The following CSMD1 variants were observed in gnomAD, a reference collection of about 807,000 sequenced individuals.
CSMD1 encodes the protein CUB and Sushi multiple domains 1, also known as CUB and sushi domain-containing protein 1.
Under a neutral mutation model 417.5 loss-of-function variants are expected in CSMD1, and 213 were observed. The observed-to-expected ratio is 0.51, with a 90% CI of 0.46 to 0.57. The LOEUF (loss-of-function observed/expected upper bound fraction) is 0.57. Among genes scored for constraint, CSMD1 ranks in the 20% least tolerant of loss-of-function variants. The pLI, the probability that CSMD1 is intolerant of heterozygous loss-of-function variation, is 0.00. For synonymous variants in CSMD1, 2,862 were observed against 1,736.8 expected (o/e 1.65, Z -16.11); for missense variants, 6,923 against 4,529.7 (o/e 1.53, Z -15.17).
intron 3 of CSMD1, among the ~76,000 whole-genome samples, chr8:4,280,098 G>A (rs926352035): frequency 1.3e-5 from 2 of 152,214 alleles, no homozygotes; most frequent in African/African-American, 4.8e-5. Flanking sequence ...ACTCTGTTTT[G>A]TATGCTCTCT....
chr8:4,525,053 C>T lies in CSMD1; in HGVS notation c.303-104988G>A, dbSNP rs534316998. Among the ~76,000 whole-genome samples, 6 of 152,140 alleles carry T rather than the reference C, an allele frequency of 3.9e-5. No individual in the cohort carries two copies. In the South Asian group the frequency reaches 1.0e-3, roughly 26 times the overall value. On this transcript the variant is annotated intron_variant, in intron 2 of 69. Coordinates refer to ENST00000635120, the MANE Select transcript of CSMD1 (RefSeq NM_033225.6). ...CAAGACATTCAATATTTTCTGTTAACGATGTCAATTAAACTGCAAGTCAAA... is the reference window on the plus strand; with the variant it reads ...CAAGACATTCAATATTTTCTGTTAATGATGTCAATTAAACTGCAAGTCAAA...
At chr8:3,698,021 GT>G (rs1800651004) in intron 7 of CSMD1, among the ~76,000 whole-genome samples, 1 of 151,496 alleles carries the variant, frequency 6.6e-6, no homozygotes, top group South Asian at 2.1e-4. Context: ...GCTATACATT[GT>G]TTTATGTATT....
At chr8:3,962,200 G>A (rs1239394071) in intron 5 of CSMD1, among the ~76,000 whole-genome samples, 2 of 152,140 alleles carry the variant, frequency 1.3e-5, no homozygotes, top group Non-Finnish European at 2.9e-5. Context: ...CCACATTCCA[G>A]AATGGGATTG....
In CSMD1 at chr8:4,363,180, A is replaced by T. The variant is rs1270117451; in HGVS notation, c.415+56773T>A. Among the ~76,000 whole-genome samples, 4 of 152,338 alleles carry T rather than the reference A, an allele frequency of 2.6e-5. No homozygotes were observed. The East Asian group carries it at 7.7e-4, about 29-fold the overall frequency. On this transcript the variant is annotated intron_variant, in intron 3 of 69. Transcript: ENST00000635120. The stretch of plus-strand genomic sequence containing the variant: ...CAAACATACCTAAACAGGCTTAAAC[A>T]GGAAATGCCACCATTTTGTATTTGG...
chr8:4,369,967 CG>C (rs1284935355), intron 3 of CSMD1, among the ~76,000 whole-genome samples: 1 of 151,978 alleles, frequency 6.6e-6, no homozygotes, highest in African/African-American at 2.4e-5. Context: ...AATACTGACA[CG>C]TGAGAATTGT....
chr8:3,330,770 G>C (rs1240288443), intron 23 of CSMD1, among the ~76,000 whole-genome samples: 1 of 152,110 alleles, frequency 6.6e-6, no homozygotes, highest in Non-Finnish European at 1.5e-5. Context: ...AATAAACTAA[G>C]ATTAAAAAGC....
chr8:3,342,459 C>G (rs1286159865), intron 23 of CSMD1, among the ~76,000 whole-genome samples: 2 of 152,140 alleles, frequency 1.3e-5, no homozygotes, highest in African/African-American at 4.8e-5. Flanking sequence ...AAGGATTTGA[C>G]AATTTTATAT....
At chr8:4,772,713 T>C (rs1044351338) in intron 1 of CSMD1, among the ~76,000 whole-genome samples, 2 of 152,178 alleles carry the variant, frequency 1.3e-5, no homozygotes, top group African/African-American at 2.4e-5. Context: ...GAGTTAAGTT[T>C]GAGGCTTGAA....
intron 7 of CSMD1, chr8:3,704,626 T>C (rs1052081100): frequency 6.6e-6 from 1 of 152,258 alleles, no homozygotes; most frequent in African/African-American, 2.4e-5. Context: ...AAAAGCTTTC[T>C]TCTCTCGCTT....
chr8:4,658,915 T>C (rs1046377460), intron 1 of CSMD1, among the ~76,000 whole-genome samples: 1 of 152,126 alleles, frequency 6.6e-6, no homozygotes, highest in African/African-American at 2.4e-5. Flanking sequence ...TGAAAATACG[T>C]TGATATTAAT....
intron 2 of CSMD1, among the ~76,000 whole-genome samples, chr8:4,604,315 T>C (rs2130773008): frequency 6.6e-6 from 1 of 151,422 alleles, no homozygotes; most frequent in East Asian, 1.9e-4. Context: ...GGAATATGCA[T>C]TAAATGGTTA....
chr8:4,858,633 A>C (rs924440793), intron 1 of CSMD1, among the ~76,000 whole-genome samples: 1 of 152,094 alleles, frequency 6.6e-6, no homozygotes, highest in African/African-American at 2.4e-5. Flanking sequence ...AGACAAACAG[A>C]GAGCCAAATC....
intron 5 of CSMD1, among the ~76,000 whole-genome samples, chr8:3,833,711 A>G (rs1802500651): frequency 6.6e-6 from 1 of 152,124 alleles, no homozygotes; most frequent in Non-Finnish European, 1.5e-5. Context: ...CTGGTTACAT[A>G]TATATAAGGT....
chr8:2,972,897 A>C (rs567119488), intron 57 of CSMD1, among the ~76,000 whole-genome samples: 1 of 152,308 alleles, frequency 6.6e-6, no homozygotes, highest in African/African-American at 2.4e-5. Context: ...CGAACTTTCA[A>C]ACAATAAGCA....
At chr8:4,629,960 T>TA (rs1802407674) in intron 2 of CSMD1, among the ~76,000 whole-genome samples, 1 of 152,232 alleles carries the variant, frequency 6.6e-6, no homozygotes, top group African/African-American at 2.4e-5. Flanking sequence ...AACCGCAATA[T>TA]TTGAATACTT....
intron 3 of CSMD1, among the ~76,000 whole-genome samples, chr8:4,190,507 A>C (rs540821816): frequency 6.6e-6 from 1 of 151,124 alleles, no homozygotes; most frequent in South Asian, 2.1e-4. Context: ...TAATACAATC[A>C]GGAATACAAA....
At chr8:4,796,669 C>A (rs746715166) in intron 1 of CSMD1, among the ~76,000 whole-genome samples, 1 of 152,252 alleles carries the variant, frequency 6.6e-6, no homozygotes. Context: ...AATGAGCAAC[C>A]AACTCAACGT....
At chr8:3,290,264 G>A (rs1289076547) in intron 25 of CSMD1, among the ~76,000 whole-genome samples, 2 of 147,190 alleles carry the variant, frequency 1.4e-5, no homozygotes, top group Admixed American at 6.7e-5. Flanking sequence ...GTAGCGTGAT[G>A]CCTCCAGCTT....
At chr8:4,299,950 T>G (rs1024083240) in intron 3 of CSMD1, among the ~76,000 whole-genome samples, 5 of 152,182 alleles carry the variant, frequency 3.3e-5, no homozygotes, top group African/African-American at 1.2e-4. Flanking sequence ...TTTCAAGTTA[T>G]AAATACTATT....
Sources: gnomAD v4.1 joint callset for allele counts (sites outside exome capture counted in the v4.1 genomes callset) on GRCh38, gnomAD v4.1.1 for gene constraint, MANE v1.5 for transcripts, NCBI Gene and HGNC (gene_info 2026-07-23, HGNC 2026-07-21) for gene names.